The following COL22A1 variants were observed in gnomAD, a reference collection of about 807,000 sequenced individuals.
COL22A1 encodes the protein collagen type XXII alpha 1 chain, also known as collagen alpha-1(XXII) chain.
In COL22A1, 221 loss-of-function variants were observed where a neutral mutation model predicts 248.9. The ratio of observed to expected loss-of-function variants is 0.89; its 90% CI spans 0.80 to 0.99. The LOEUF (loss-of-function observed/expected upper bound fraction) is 0.99, where lower values mean the gene tolerates loss of function less well. Ranked by LOEUF, COL22A1 falls within the 50% of genes least tolerant of loss-of-function variation. The pLI is 0.00. For missense variants in COL22A1, 2,240 were observed against 2,179.0 expected (o/e 1.03, Z -0.56); for synonymous variants, 891 against 793.4 (o/e 1.12, Z -2.07).
chr8:138,869,118 T>A (rs1340002586), intron 3 of COL22A1, among the ~76,000 whole-genome samples: 1 of 152,144 alleles, frequency 6.6e-6, no homozygotes, highest in Non-Finnish European at 1.5e-5. Context: ...GAGACAGAGC[T>A]GGGAGGCCCA....
At chr8:138,661,345 A>G (rs1823939452) in intron 43 of COL22A1, among the ~76,000 whole-genome samples, 2 of 152,242 alleles carry the variant, frequency 1.3e-5, no homozygotes, top group South Asian at 4.1e-4. Context: ...AACTACAGAG[A>G]TGAAAAGTTG....
At position 138,877,779 on chromosome 8, in the gene COL22A1, C is replaced by T. The variant is rs367965959; in HGVS notation, c.629G>A (p.Arg210Gln). 3.7e-6 allele frequency: 6 copies of T among 1,602,514 alleles called. No homozygotes were observed. Among genetic ancestry groups the T allele is most frequent in the Non-Finnish European group, 5.1e-6 (6 of 1,174,298 alleles). The change falls in exon 3 of 65, where the codon CGG (arginine) becomes CAG (glutamine). Residue 210 changes from arginine (R) to glutamine (Q), a missense_variant. Arg to Gln is a conservative substitution (Grantham distance 43). Transcript: ENST00000303045. ...ACAAAGACGGCGCCGCAGCTTGCCC[C>T]GGATCTTGTCGATGGCATTGAAGTC... ...VSDFNAIDKI[R>Q]GKLRRRLCEN...
At chr8:138,711,843 G>A (rs1487120838) in intron 30 of COL22A1, among the ~76,000 whole-genome samples, 6 of 152,204 alleles carry the variant, frequency 3.9e-5, no homozygotes, top group Non-Finnish European at 7.3e-5. Flanking sequence ...CATTCCTCCT[G>A]AGGCAGCCCC....
chr8:138,649,735 C>G lies in COL22A1; in HGVS notation c.3377G>C (p.Gly1126Ala). ...TTTGTCCCCTTTAAAACCTGGTAGA[C>G]CAGGGAGGCCTGGGGGGCCAGGAGG... ...DCPPGPPGLP[G>A]LPGFKGDKGV... is the part of the protein sequence containing the mutation. The change falls in exon 46 of 65, where the codon GGT becomes GCT. Residue 1126 changes from glycine (G) to alanine (A), a missense_variant. Coordinates refer to ENST00000303045, the MANE Select transcript of COL22A1 (RefSeq NM_152888.3). 1 of 1,610,134 alleles carries G rather than the reference C, an allele frequency of 6.2e-7. No individual in the cohort carries two copies. The highest frequency in any genetic ancestry group is 8.5e-7 in the Non-Finnish European group (1 of 1,178,282).
chr8:138,780,652 G>A lies in COL22A1; in HGVS notation c.1650+275C>T, dbSNP rs182795368. On this transcript the variant is annotated intron_variant, in intron 13 of 64. Transcript: ENST00000303045. The stretch of plus-strand genomic sequence containing the variant: ...TGGGGCTAGTTCCAAGTCTAGGCAC[G>A]GGGGATAACAAGGTTGCCTTGCAGA... Among the ~76,000 whole-genome samples, 166 of 152,270 alleles carry A rather than the reference G, an allele frequency of 1.1e-3. No homozygotes were observed. In the South Asian group the frequency reaches 0.015, roughly 14 times the overall value.
intron 63 of COL22A1, among the ~76,000 whole-genome samples, chr8:138,592,037 C>T (rs1391714485): frequency 6.6e-6 from 1 of 152,158 alleles, no homozygotes; most frequent in East Asian, 1.9e-4. Flanking sequence ...CAATTCAACA[C>T]GCATGTGGGC....
Position 138,883,140 on chromosome 8 carries a change from G to T in COL22A1, c.33C>A (p.Gly11=). The T allele has an allele frequency of 6.3e-7, 1 of 1,594,440 alleles. No homozygotes were observed. ...TCCACAGCAGCAGCATCCAGAGGAGGCCAGCCACAGCGTTCCCTCGGAGGC... is the reference window on the plus strand; with the variant it reads ...TCCACAGCAGCAGCATCCAGAGGAGTCCAGCCACAGCGTTCCCTCGGAGGC... MAGLRGNAVA[G]LLWMLLLWSG... The change falls in exon 2 of 65, where the codon GGC becomes GGA. Residue 11 remains glycine (G), a synonymous_variant. Coordinates refer to ENST00000303045, the MANE Select transcript of COL22A1 (RefSeq NM_152888.3).
chr8:138,616,092 C>A, intron 54 of COL22A1, 38 bp from the exon 55 acceptor site: 1 of 1,542,966 alleles, frequency 6.5e-7, no homozygotes, highest in Non-Finnish European at 9.0e-7. Context: ...GAAGGAGATG[C>A]TTCAGCCACT....
chr8:138,781,425 T>G (rs1343765), intron 12 of COL22A1, among the ~76,000 whole-genome samples: 2,428 of 152,280 alleles, frequency 0.016, 30 homozygotes, highest in Middle Eastern at 0.027. Flanking sequence ...GATGCTCGGC[T>G]GCATCCCTAG....
intron 41 of COL22A1, among the ~76,000 whole-genome samples, chr8:138,665,775 G>A (rs1824451465): frequency 6.6e-6 from 1 of 151,778 alleles, no homozygotes; most frequent in African/African-American, 2.4e-5. Flanking sequence ...CAACAAAAAA[G>A]GTCTATTAAA....
chr8:138,902,785 CT>C (rs1407381645), intron 1 of COL22A1, among the ~76,000 whole-genome samples: 77 of 145,482 alleles, frequency 5.3e-4, no homozygotes, highest in African/African-American at 1.5e-3. Context: ...CACACACACA[CT>C]AGAACTGACT....
At chr8:138,662,949 G>T (rs1251599066) in intron 42 of COL22A1, among the ~76,000 whole-genome samples, 1 of 150,744 alleles carries the variant, frequency 6.6e-6, no homozygotes. Context: ...CCAGGAGGCG[G>T]AGATTGCAGT....
rs1035410818 is a variant in COL22A1 at position 138,913,669 on chromosome 8, G to C, written c.-123C>G. ...CAGCGGAGGTCCAGTCCTGGGCCCAGGCCCACTGGAAGCAGCAGCTGGGAG... is the reference window on the plus strand; with the variant it reads ...CAGCGGAGGTCCAGTCCTGGGCCCACGCCCACTGGAAGCAGCAGCTGGGAG... On this transcript the variant is annotated 5_prime_UTR_variant, in exon 1 of 65. Coordinates refer to ENST00000303045, the MANE Select transcript of COL22A1 (RefSeq NM_152888.3). 6.5e-6 allele frequency: 1 copy of C among 152,730 alleles called. No homozygotes were observed. Among genetic ancestry groups the C allele is most frequent in the African/African-American group, 2.4e-5 (1 of 41,444 alleles). The allele number at this position is 152,730 out of a possible 1,614,324, so 9.5% of individuals were successfully genotyped here.
chr8:138,653,391 G>A (rs544950035), intron 45 of COL22A1, among the ~76,000 whole-genome samples: 5 of 152,312 alleles, frequency 3.3e-5, no homozygotes, highest in South Asian at 2.1e-4. Flanking sequence ...GAGAGGCTAC[G>A]CGTAAGGCTT....
chr8:138,870,826 T>C (rs1211401345), intron 3 of COL22A1, among the ~76,000 whole-genome samples: 1 of 151,630 alleles, frequency 6.6e-6, no homozygotes, highest in Non-Finnish European at 1.5e-5. Context: ...TATGCGGATG[T>C]GTGTGTGAGT....
chr8:138,715,722 T>C lies in COL22A1; in HGVS notation c.2477A>G (p.Glu826Gly), dbSNP rs751984020. The change falls in exon 30 of 65, where the codon GAA (glutamate) becomes GGA (glycine). Residue 826 changes from glutamate to glycine, a missense_variant. Coordinates refer to ENST00000303045, the MANE Select transcript of COL22A1 (RefSeq NM_152888.3). ...ACCTTTCAGTCCTGGAAGTCCCAGT[T>C]CACCTTTTTCTCCCTATAATAAAAG... ...GEKGDQGEKG[E>G]LGLPGLKGDR... The C allele has an allele frequency of 6.2e-6, 10 of 1,611,890 alleles. No individual in the cohort carries two copies. In the African/African-American group the frequency reaches 1.2e-4, roughly 19 times the overall value.
chr8:138,756,655 T>C (rs1226127934), intron 18 of COL22A1, among the ~76,000 whole-genome samples: 1 of 152,112 alleles, frequency 6.6e-6, no homozygotes, highest in Admixed American at 6.6e-5. Context: ...AATGAATAAA[T>C]GAATCACCAA....
At chr8:138,607,793 A>T in intron 57 of COL22A1, 143 bp downstream of exon 57, 1 of 681,430 alleles carries the variant, frequency 1.5e-6, no homozygotes, top group South Asian at 2.3e-5. Flanking sequence ...GGAGCCTCTT[A>T]CCTCCAACCT....
At chr8:138,846,129 C>G (rs1044166190) in intron 3 of COL22A1, among the ~76,000 whole-genome samples, 1 of 152,162 alleles carries the variant, frequency 6.6e-6, no homozygotes, top group East Asian at 1.9e-4. Context: ...CTGTCTAGCA[C>G]TACATACAGG....
Sources: gnomAD v4.1 joint callset for allele counts (sites outside exome capture counted in the v4.1 genomes callset) on GRCh38, gnomAD v4.1.1 for gene constraint, MANE v1.5 for transcripts, NCBI Gene and HGNC (gene_info 2026-07-23, HGNC 2026-07-21) for gene names.